NSG1: variants seen among roughly 807,000 people sequenced by gnomAD.
The protein encoded by NSG1 is neuronal vesicle trafficking associated 1, also known as neuronal vesicle trafficking-associated protein 1.
In NSG1, 9 loss-of-function variants were observed where a neutral mutation model predicts 19.3. That is an observed-to-expected ratio of 0.47 (90% CI 0.28 to 0.81). The LOEUF (loss-of-function observed/expected upper bound fraction) is 0.81, where lower values mean the gene tolerates loss of function less well. Among genes scored for constraint, NSG1 ranks in the 40% least tolerant of loss-of-function variants. NSG1 has a pLI of 0.11. For synonymous variants in NSG1, 104 were observed against 107.0 expected (o/e 0.97, Z 0.17); for missense variants, 236 against 242.4 (o/e 0.97, Z 0.18).
chr4:4,398,038 C>T (rs1723357494), intron 3 of NSG1, among the ~76,000 whole-genome samples: 1 of 152,172 alleles, frequency 6.6e-6, no homozygotes, highest in Non-Finnish European at 1.5e-5. Context: ...ACTGCAACCT[C>T]CACCCCACCA....
intron 3 of NSG1, among the ~76,000 whole-genome samples, chr4:4,398,722 G>T (rs1296545233): frequency 6.6e-6 from 1 of 152,158 alleles, no homozygotes; most frequent in Non-Finnish European, 1.5e-5. Context: ...TCCACATTTG[G>T]GCTGTTGTGG....
intron 3 of NSG1, among the ~76,000 whole-genome samples, chr4:4,394,181 G>A (rs915374616): frequency 6.6e-6 from 1 of 152,184 alleles, no homozygotes; most frequent in Admixed American, 6.5e-5. Flanking sequence ...GGAGAAGTGG[G>A]TTTGTGTGGG....
intron 3 of NSG1, among the ~76,000 whole-genome samples, chr4:4,408,765 T>C (rs116461687): frequency 0.015 from 2,278 of 152,288 alleles, 61 homozygotes; most frequent in African/African-American, 0.051. Context: ...CAGCCCGTTT[T>C]GGCTTTGAGA....
At chr4:4,402,630 C>T (rs193256026) in intron 3 of NSG1, among the ~76,000 whole-genome samples, 23 of 151,496 alleles carry the variant, frequency 1.5e-4, no homozygotes, top group African/African-American at 4.1e-4. Flanking sequence ...CCTCGTGATC[C>T]GCCCGCCTCG....
At chr4:4,405,272 A>C (rs1304991374) in intron 3 of NSG1, among the ~76,000 whole-genome samples, 1 of 151,940 alleles carries the variant, frequency 6.6e-6, no homozygotes, top group African/African-American at 2.4e-5. Flanking sequence ...TCTACATCCA[A>C]ATTTCCCCTC....
intron 2 of NSG1, among the ~76,000 whole-genome samples, chr4:4,388,911 G>A (rs577358723): frequency 1.1e-4 from 17 of 152,334 alleles, no homozygotes; most frequent in African/African-American, 3.8e-4. Context: ...CCCAGGCCAC[G>A]GTGGTGCCAC....
chr4:4,402,362 C>T (rs1383112269), intron 3 of NSG1, among the ~76,000 whole-genome samples: 7 of 142,216 alleles, frequency 4.9e-5, no homozygotes, highest in Non-Finnish European at 7.5e-5. Flanking sequence ...CGCAGCACCA[C>T]GCCTGGTTAT....
chr4:4,395,695 T>A (rs1228616076), intron 3 of NSG1, among the ~76,000 whole-genome samples: 1 of 152,150 alleles, frequency 6.6e-6, no homozygotes, highest in Non-Finnish European at 1.5e-5. Flanking sequence ...ATCTTCCTCG[T>A]CCCACTAGTG....
At chr4:4,386,900 G>T (rs1722742604), upstream of NSG1, 1 of 152,096 alleles carries the variant, frequency 6.6e-6, no homozygotes, top group South Asian at 2.1e-4. Flanking sequence ...CCCAGGGGAG[G>T]CTCCCGCCCA....
intron 4 of NSG1, 48 bp from the exon 5 acceptor site, chr4:4,417,187 A>G (rs1186804331): frequency 6.5e-7 from 1 of 1,539,326 alleles, no homozygotes; most frequent in Non-Finnish European, 9.0e-7. Flanking sequence ...ACACACTGGC[A>G]CCCCCTCTTG....
intron 4 of NSG1, among the ~76,000 whole-genome samples, chr4:4,414,555 C>A (rs1560148889): frequency 3.3e-5 from 5 of 152,192 alleles, no homozygotes. Flanking sequence ...CTCTTCCCTC[C>A]ATATTTGTGC....
chr4:4,406,548 G>A (rs28615912), intron 3 of NSG1, among the ~76,000 whole-genome samples: 5,101 of 152,288 alleles, frequency 0.033, 276 homozygotes, highest in African/African-American at 0.12. Flanking sequence ...GGGTGAACAT[G>A]CGACGGGGCA....
At chr4:4,407,236 G>A (rs1407346476) in intron 3 of NSG1, among the ~76,000 whole-genome samples, 1 of 152,228 alleles carries the variant, frequency 6.6e-6, no homozygotes, top group African/African-American at 2.4e-5. Context: ...CGGGAGACGT[G>A]ACTGAGGAAC....
At chr4:4,417,192 C>G in intron 4 of NSG1, 43 bp from the exon 5 acceptor site, 3 of 1,569,554 alleles carry the variant, frequency 1.9e-6, no homozygotes, top group Non-Finnish European at 2.6e-6. Context: ...CTGGCACCCC[C>G]TCTTGCACCG....
intron 3 of NSG1, among the ~76,000 whole-genome samples, chr4:4,398,426 A>G (rs1315097231): frequency 6.6e-6 from 1 of 151,756 alleles, no homozygotes; most frequent in African/African-American, 2.4e-5. Context: ...CCCCATTCCC[A>G]TTAAGCAGTC....
At chr4:4,387,561 C>CGGGGGGGGG in intron 1 of NSG1, 43 bp from the exon 2 acceptor site, 21 of 1,141,954 alleles carry the variant, frequency 1.8e-5, no homozygotes, top group Admixed American at 2.3e-5. Context: ...CGCCCCGCCC[C>CGGGGGGGGG]GGGTCTTGCT....
intron 2 of NSG1, among the ~76,000 whole-genome samples, chr4:4,389,137 C>T (rs1449101703): frequency 1.3e-5 from 2 of 152,242 alleles, no homozygotes; most frequent in Non-Finnish European, 2.9e-5. Flanking sequence ...TGAGGCAGCA[C>T]CTCTATCAGG....
intron 1 of NSG1, 43 bp from the exon 2 acceptor site, chr4:4,387,561 C>CCGGGGGGG: frequency 7.4e-5 from 85 of 1,141,754 alleles, no homozygotes; most frequent in East Asian, 1.6e-4. Flanking sequence ...CGCCCCGCCC[C>CCGGGGGGG]GGGTCTTGCT....
intron 3 of NSG1, among the ~76,000 whole-genome samples, chr4:4,397,775 G>A (rs1200416864): frequency 2.6e-5 from 4 of 151,990 alleles, no homozygotes; most frequent in African/African-American, 7.3e-5. Context: ...CGTTATAAAC[G>A]CACCCTGAGG....
Sources: allele counts gnomAD v4.1 joint callset (sites outside exome capture counted in the v4.1 genomes callset), GRCh38; gene constraint gnomAD v4.1.1; transcripts MANE v1.5; gene names NCBI Gene and HGNC (gene_info 2026-07-23, HGNC 2026-07-21).